SLC5A1: variants seen among roughly 807,000 people sequenced by gnomAD.
SLC5A1 encodes solute carrier family 5 member 1.
In SLC5A1, 42 loss-of-function variants were observed where a neutral mutation model predicts 73.5. The ratio of observed to expected loss-of-function variants is 0.57; its 90% confidence interval spans 0.45 to 0.74. The LOEUF (loss-of-function observed/expected upper bound fraction) is 0.74, where lower values mean the gene tolerates loss of function less well. Ranked by LOEUF, SLC5A1 falls within the 30% of genes least tolerant of loss-of-function variation. The pLI, the probability that SLC5A1 is intolerant of heterozygous loss-of-function variation, is 0.00. For synonymous variants in SLC5A1, 300 were observed against 317.4 expected (o/e 0.95, Z 0.58); for missense variants, 634 against 855.4 (o/e 0.74, Z 3.23).
intron 2 of SLC5A1, among the ~76,000 whole-genome samples, chr22:32,061,785 C>G (rs1250262901): frequency 6.6e-6 from 1 of 152,136 alleles, no homozygotes; most frequent in African/African-American, 2.4e-5. Context: ...TAAAATCTTA[C>G]AGGAAGTCAA....
intron 2 of SLC5A1, among the ~76,000 whole-genome samples, chr22:32,061,953 G>GAGGAACAGACACATGAGAAT (rs1312554102): frequency 2.0e-5 from 3 of 152,170 alleles, no homozygotes; most frequent in Non-Finnish European, 2.9e-5. Context: ...CACATGAGAA[G>GAGGAACAGACACATGAGAAT]AGGAACAGAC....
In SLC5A1 at chr22:32,111,064, C is replaced by A. The variant is rs2094056051; in HGVS notation, c.*851C>A. 1.3e-5 allele frequency: 2 copies of A among 152,248 alleles called. No individual in the cohort carries two copies. The highest frequency in any genetic ancestry group is 6.8e-3 in the Middle Eastern group (2 of 294). The allele number at this position is 152,248 out of a possible 1,614,324, so 9.4% of individuals were successfully genotyped here. A position where few individuals can be genotyped will look rare whatever the true frequency, so the allele number is the denominator to read the frequency against. On this transcript the variant is annotated 3_prime_UTR_variant, in exon 15 of 15. Transcript: ENST00000266088. The stretch of plus-strand genomic sequence containing the variant: ...TACATGAGCCTGGCCCTTAGTTAAC[C>A]TTTTCTTGTGGCTACACAAAGTATG...
chr22:32,060,494 G>C (rs1022039332), intron 2 of SLC5A1, among the ~76,000 whole-genome samples: 1 of 151,990 alleles, frequency 6.6e-6, no homozygotes, highest in Non-Finnish European at 1.5e-5. Context: ...TGTGCCCAGC[G>C]GGTAACAGAT....
chr22:32,080,892 G>T (rs2149491416), intron 5 of SLC5A1, among the ~76,000 whole-genome samples: 1 of 152,254 alleles, frequency 6.6e-6, no homozygotes, highest in African/African-American at 2.4e-5. Context: ...TACTCAGGAG[G>T]CTGAGGCAGG....
intron 5 of SLC5A1, among the ~76,000 whole-genome samples, chr22:32,074,231 G>A (rs980585620): frequency 6.6e-6 from 1 of 152,096 alleles, no homozygotes; most frequent in Non-Finnish European, 1.5e-5. Context: ...GGGTGGCAGG[G>A]GTGGTCATAT....
At chr22:32,070,667 TG>T (rs2093981583) in intron 5 of SLC5A1, among the ~76,000 whole-genome samples, 1 of 152,082 alleles carries the variant, frequency 6.6e-6, no homozygotes, top group Admixed American at 6.6e-5. Context: ...TTTTCTTCCT[TG>T]TAAGTGTTCA....
rs1343418578 is a variant in SLC5A1 at position 32,081,897 on chromosome 22, A to G, written c.509A>G (p.Asn170Ser). Residue 170 changes from asparagine (N) to serine (S), a missense_variant, in exon 6 of 15, where the codon AAT becomes AGT. Transcript: ENST00000266088. ...ADIFSGAIFI[N>S]LALGLNLYLA... ...ATCTTCTCGGGGGCCATATTCATCA[A>G]TCTGGCCTTAGGCCTGAATCTGTAT... is the stretch of plus-strand genomic sequence containing the variant. 3 of 1,613,386 alleles carry G rather than the reference A, an allele frequency of 1.9e-6. No homozygotes were observed. Among genetic ancestry groups the G allele is most frequent in the Non-Finnish European group, 2.5e-6 (3 of 1,179,728 alleles).
At chr22:32,075,070 CTTTTTTTTTTTTTTT>C (rs1045791303) in intron 5 of SLC5A1, among the ~76,000 whole-genome samples, 2 of 107,680 alleles carry the variant, frequency 1.9e-5, no homozygotes, top group South Asian at 6.1e-4. Context: ...CTATTTTTTA[CTTTTTTTTTTTTTTT>C]TTTTTTTTTA....
chr22:32,108,319 T>C (rs2094050026), intron 14 of SLC5A1, among the ~76,000 whole-genome samples: 1 of 152,146 alleles, frequency 6.6e-6, no homozygotes, highest in Non-Finnish European at 1.5e-5. Flanking sequence ...GCCAGGATAG[T>C]CTCGATCTCC....
chr22:32,046,264 T>A (rs879536064), intron 1 of SLC5A1, among the ~76,000 whole-genome samples: 16 of 152,150 alleles, frequency 1.1e-4, no homozygotes, highest in Non-Finnish European at 1.3e-4. Flanking sequence ...TATTCTACCT[T>A]TCCCACTCCC....
At chr22:32,067,385 T>C (rs2099410420) in intron 3 of SLC5A1, among the ~76,000 whole-genome samples, 1 of 151,670 alleles carries the variant, frequency 6.6e-6, no homozygotes, top group African/African-American at 2.4e-5. Context: ...ATTATTTTAT[T>C]TTTAGAGACA....
chr22:32,083,026 G>C (rs1265470484), intron 6 of SLC5A1, 48 bp from the exon 7 acceptor site: 17 of 1,542,668 alleles, frequency 1.1e-5, no homozygotes, highest in Non-Finnish European at 1.5e-5. Context: ...CAAGTAGACA[G>C]GTCACCCTCC....
In SLC5A1 at chr22:32,068,612, G is replaced by A. The variant is rs762907588; in HGVS notation, c.477+12G>A. ...TCACCAAGATCTCGGTGAGTCCACTGCCCCAGAGGGCTGGGCTGTCTCAGA... is the reference window on the plus strand; with the variant it reads ...TCACCAAGATCTCGGTGAGTCCACTACCCCAGAGGGCTGGGCTGTCTCAGA... On this transcript the variant is annotated intron_variant, in intron 5 of 14. Coordinates refer to ENST00000266088, the MANE Select transcript of SLC5A1 (RefSeq NM_000343.4). The A allele has an allele frequency of 4.5e-6, 7 of 1,557,202 alleles. No homozygotes were observed. The highest frequency in any genetic ancestry group is 6.2e-6 in the Non-Finnish European group (7 of 1,130,092).
At chr22:32,102,497 G>T (rs1197582655) in intron 13 of SLC5A1, among the ~76,000 whole-genome samples, 1 of 151,808 alleles carries the variant, frequency 6.6e-6, no homozygotes, top group Non-Finnish European at 1.5e-5. Flanking sequence ...ACAGATTATG[G>T]TGGCTCATGC....
chr22:32,062,534 T>C (rs899839665), intron 2 of SLC5A1, among the ~76,000 whole-genome samples: 5 of 151,968 alleles, frequency 3.3e-5, no homozygotes, highest in Non-Finnish European at 4.4e-5. Flanking sequence ...TTGAGTCCCA[T>C]TGGAGGGTGA....
At position 32,043,352 on chromosome 22, in the gene SLC5A1, G is replaced by A. The variant is rs768206931; in HGVS notation, c.71G>A (p.Arg24His). 6 of 1,613,930 alleles carry A rather than the reference G, an allele frequency of 3.7e-6. No individual in the cohort carries two copies. The highest frequency in any genetic ancestry group is 2.7e-5 in the African/African-American group (2 of 74,928). The change falls in exon 1 of 15, where the codon CGC (arginine) becomes CAC (histidine). Residue 24 changes from arginine to histidine, a missense_variant. Arg to His is a conservative substitution (Grantham distance 29, BLOSUM62 0). Transcript: ENST00000266088. This position sits in a 1 kb window ranked among gnomAD's most constrained non-coding sequence, Gnocchi z 6.5. ...CCTGTTGAGACCCACGAGCTCATTCGCAATGCAGCCGATATCTCCATCATC... is the reference window on the plus strand; with the variant it reads ...CCTGTTGAGACCCACGAGCTCATTCACAATGCAGCCGATATCTCCATCATC... ...TRPVETHELIRNAADISIIVI... is the reference protein window; with the variant it reads ...TRPVETHELIHNAADISIIVI...
intron 2 of SLC5A1, among the ~76,000 whole-genome samples, chr22:32,066,497 G>C (rs978800298): frequency 1.3e-5 from 2 of 152,156 alleles, no homozygotes; most frequent in African/African-American, 4.8e-5. Flanking sequence ...CAAGAAAATT[G>C]TCAGTGTTTA....
intron 5 of SLC5A1, among the ~76,000 whole-genome samples, 175 bp downstream of exon 5, chr22:32,068,775 T>C (rs2093978341): frequency 1.3e-5 from 2 of 151,948 alleles, no homozygotes; most frequent in Non-Finnish European, 2.9e-5. Flanking sequence ...TGGAATTCAA[T>C]GGAAATCTGT....
At chr22:32,082,009 C>A in intron 6 of SLC5A1, 38 bp downstream of exon 6, 1 of 1,316,388 alleles carries the variant, frequency 7.6e-7, no homozygotes, top group African/African-American at 1.4e-5. Context: ...TCAAACCCAG[C>A]TCGGGATCAG....
Sources: allele counts gnomAD v4.1 joint callset (sites outside exome capture counted in the v4.1 genomes callset), GRCh38; gene constraint gnomAD v4.1.1; non-coding constraint Gnocchi (gnomAD v3.1); transcripts MANE v1.5; gene names NCBI Gene and HGNC (gene_info 2026-07-23, HGNC 2026-07-21).